MBOAT7: variants seen among roughly 807,000 people sequenced by gnomAD.
MBOAT7 encodes the protein membrane-bound acylglycerophosphatidylinositol O-acyltransferase MBOAT7.
In MBOAT7, 40 loss-of-function variants were observed where a neutral mutation model predicts 47.4. The observed-to-expected ratio is 0.84, with a 90% confidence interval of 0.66 to 1.10. MBOAT7 has a LOEUF of 1.10. Ranked by LOEUF, MBOAT7 falls within the 50% of genes least tolerant of loss-of-function variation. MBOAT7 has a pLI of 0.00. For synonymous variants in MBOAT7, 361 were observed against 292.0 expected (o/e 1.24, Z -2.41); for missense variants, 680 against 655.6 (o/e 1.04, Z -0.41).
chr19:54,176,293 C>CT (rs1235647595), intron 7 of MBOAT7, among the ~76,000 whole-genome samples: 1 of 152,120 alleles, frequency 6.6e-6, no homozygotes, highest in Admixed American at 6.6e-5. Flanking sequence ...CTGGCCAACT[C>CT]TTGTTTTCTT....
In MBOAT7 at chr19:54,178,788, T is replaced by C. The variant is rs1470209921; in HGVS notation, c.1008A>G (p.Ala336=). 2 of 1,613,344 alleles carry C rather than the reference T, an allele frequency of 1.2e-6. No individual in the cohort carries two copies. The highest frequency in any genetic ancestry group is 1.1e-5 in the South Asian group (1 of 91,076). The change falls in exon 7 of 8, where the codon GCA becomes GCG. Residue 336 remains alanine (A), a synonymous_variant. Transcript: ENST00000245615. The part of the protein sequence containing the change: ...WWLAQYIYKS[A]PARSYVLRSA... Reference sequence around the variant, plus strand: ...ACCGCAGGACATAGGAACGGGCAGGTGCGCTCTTGTAGATATACTGCGCCA... The same window carrying C: ...ACCGCAGGACATAGGAACGGGCAGGCGCGCTCTTGTAGATATACTGCGCCA...
chr19:54,180,750 A>G lies in MBOAT7; in HGVS notation c.854+23T>C, dbSNP rs759182744. 229 of 1,486,192 alleles carry G rather than the reference A, an allele frequency of 1.5e-4. 1 individual carries two copies. Among genetic ancestry groups the G allele is most frequent in the Middle Eastern group, 1.2e-3 (5 of 4,064 alleles). The allele number at this position is 1,486,192 out of a possible 1,614,324, so 92.1% of individuals were successfully genotyped here. The stretch of plus-strand genomic sequence containing the variant: ...GAGGTGGGGGCTGCTGGGTCTTGGG[A>G]AGCCTCCCTCGCGCCGCCTGACCTG... On this transcript the variant is annotated intron_variant, in intron 6 of 7. Transcript: ENST00000245615. This position sits in a 1 kb window ranked among gnomAD's most constrained non-coding sequence, Gnocchi z 5.2.
At chr19:54,177,978 C>T (rs563837398) in intron 7 of MBOAT7, among the ~76,000 whole-genome samples, 1 of 121,300 alleles carries the variant, frequency 8.2e-6, no homozygotes, top group South Asian at 2.8e-4. Flanking sequence ...TGGCGAGATC[C>T]CAGCTCCCTG....
chr19:54,183,765 A>G, intron 4 of MBOAT7, 85 bp from the exon 5 acceptor site: 1 of 1,371,430 alleles, frequency 7.3e-7, no homozygotes, highest in Non-Finnish European at 9.6e-7. Context: ...TGCCCTCGGC[A>G]GCCAAGGGGT....
Position 54,186,770 on chromosome 19 carries a change from A to G in MBOAT7, c.333+391T>C, listed in dbSNP as rs149161390. Among the ~76,000 whole-genome samples, 1,500 of 152,322 alleles carry G rather than the reference A, an allele frequency of 9.8e-3. 24 individuals are homozygous for G. The highest frequency in any genetic ancestry group is 0.033 in the African/African-American group (1,376 of 41,576). Reference sequence around the variant, plus strand: ...CCCTCTTCCCAGGTGATTAGGAGCCAGACCTGGATGCCCTAGTTTTGTTCC... The same window carrying G: ...CCCTCTTCCCAGGTGATTAGGAGCCGGACCTGGATGCCCTAGTTTTGTTCC... On this transcript the variant is annotated intron_variant, in intron 4 of 7. Transcript: ENST00000245615.
Position 54,180,793 on chromosome 19 carries a change from G to T in MBOAT7, c.834C>A (p.Leu278=). ...CTGACCTGCTGGGGGGTGGGCATTG[G>T]AGGGTGGGGCCGCCTCCGGCCCGGG... ...AKARAGGGPT[L]QCPPPSSPEK... is the part of the protein sequence containing the mutation. The change falls in exon 6 of 8, where the codon CTC becomes CTA. Residue 278 remains leucine (L), a synonymous_variant. Coordinates refer to ENST00000245615, the MANE Select transcript of MBOAT7 (RefSeq NM_024298.5). The surrounding 1 kb of genome is among the most constrained non-coding windows in gnomAD (Gnocchi z 5.2). The T allele has an allele frequency of 6.4e-7, 1 of 1,553,962 alleles. No individual in the cohort carries two copies. Among genetic ancestry groups the T allele is most frequent in the Non-Finnish European group, 8.7e-7 (1 of 1,156,002 alleles).
chr19:54,178,073 G>A (rs1455472938), intron 7 of MBOAT7, among the ~76,000 whole-genome samples: 4 of 151,378 alleles, frequency 2.6e-5, no homozygotes, highest in African/African-American at 7.3e-5. Flanking sequence ...ACCACACCAG[G>A]GTAATTTTTT....
chr19:54,185,266 C>G (rs929741446), intron 4 of MBOAT7, among the ~76,000 whole-genome samples: 1 of 152,062 alleles, frequency 6.6e-6, no homozygotes, highest in East Asian at 1.9e-4. Flanking sequence ...CTATATTGCC[C>G]AGGCTGGTCT....
intron 5 of MBOAT7, among the ~76,000 whole-genome samples, chr19:54,182,246 A>G (rs919966901): frequency 3.6e-4 from 54 of 151,522 alleles, no homozygotes; most frequent in African/African-American, 1.3e-3. Flanking sequence ...GATAAAAGGA[A>G]AAAAAAAACA....
chr19:54,187,398 G>T, intron 3 of MBOAT7, 111 bp from the exon 4 acceptor site: 1 of 1,354,972 alleles, frequency 7.4e-7, no homozygotes, highest in Non-Finnish European at 9.9e-7. Context: ...TTCGTTTAGA[G>T]ACAGAAACAC....
Position 54,181,130 on chromosome 19 carries a change from G to A in MBOAT7, c.497C>T (p.Pro166Leu), listed in dbSNP as rs1233952774. 1.2e-5 allele frequency: 18 copies of A among 1,466,958 alleles called. No individual in the cohort carries two copies. Among genetic ancestry groups the A allele is most frequent in the African/African-American group, 2.8e-5 (2 of 70,406 alleles). The allele number at this position is 1,466,958 out of a possible 1,614,324, so 90.9% of individuals were successfully genotyped here. A position where few individuals can be genotyped will look rare whatever the true frequency, so the allele number is the denominator to read the frequency against. Reference protein sequence around the residue: ...SYCYVGIMTGPFFRYRTYLDW... With the variant: ...SYCYVGIMTGLFFRYRTYLDW... ...CAGGTAGGTGCGGTAGCGGAAGAAC[G>A]GGCCTGTGGGGCGGGGAGGGAGGGC... Residue 166 changes from proline to leucine, a missense_variant, in exon 6 of 8, where the codon CCG (proline) becomes CTG (leucine). Physicochemically the swap from Pro to Leu is moderately conservative, Grantham distance 98. Transcript: ENST00000245615.
intron 7 of MBOAT7, among the ~76,000 whole-genome samples, chr19:54,175,502 T>C (rs2076081848): frequency 6.6e-6 from 1 of 152,140 alleles, no homozygotes; most frequent in South Asian, 2.1e-4. Flanking sequence ...TGGCCTGTGG[T>C]CCTTCCTTAT....
chr19:54,183,737 C>G, intron 4 of MBOAT7, 57 bp from the exon 5 acceptor site: 1 of 1,469,890 alleles, frequency 6.8e-7, no homozygotes, highest in Non-Finnish European at 9.0e-7. Flanking sequence ...TTCCCCACAC[C>G]CATCTCCCTT....
intron 7 of MBOAT7, chr19:54,178,244 T>C: frequency 1.0e-6 from 1 of 992,220 alleles, no homozygotes; most frequent in Non-Finnish European, 1.2e-6. Context: ...CAGATAACAG[T>C]GTCAAGCACA....
chr19:54,182,541 A>G (rs548397915), intron 5 of MBOAT7, among the ~76,000 whole-genome samples: 44 of 150,762 alleles, frequency 2.9e-4, no homozygotes, highest in African/African-American at 1.1e-3. Flanking sequence ...CAAGAGTTGT[A>G]TGTTTTAAGT....
At chr19:54,187,894 A>G (rs545739683) in intron 3 of MBOAT7, among the ~76,000 whole-genome samples, 1 of 152,166 alleles carries the variant, frequency 6.6e-6, no homozygotes, top group South Asian at 2.1e-4. Flanking sequence ...GCATGCCTGT[A>G]ATCCCAGCTA....
At position 54,174,103 on chromosome 19, in the gene MBOAT7, G is replaced by A. The variant is rs765063268; in HGVS notation, c.1360C>T (p.Arg454Trp). The A allele has an allele frequency of 3.3e-5, 53 of 1,606,760 alleles. No individual in the cohort carries two copies. The highest frequency in any genetic ancestry group is 3.7e-5 in the Non-Finnish European group (43 of 1,177,192). ...GLALGGGSPS[R>W]RKAASQPTSL... ...GTGGGCTGGGATGCTGCCTTCCGCCGGCTGGGGCTGCCCCCACCTAAAGCC... is the reference window on the plus strand; with the variant it reads ...GTGGGCTGGGATGCTGCCTTCCGCCAGCTGGGGCTGCCCCCACCTAAAGCC... Residue 454 changes from arginine (R) to tryptophan (W), a missense_variant, in exon 8 of 8, where the codon CGG becomes TGG. Physicochemically the swap from Arg to Trp is moderately radical, Grantham distance 101. Coordinates refer to ENST00000245615, the MANE Select transcript of MBOAT7 (RefSeq NM_024298.5).
chr19:54,177,900 GTTTTTTTTTTTTT>G lies in MBOAT7; in HGVS notation c.1031+852_1031+864del, dbSNP rs761565984. ...ATGCCTGGCTATGAGTTCTACTTCT[GTTTTTTTTTTTTT>G]TTTTTTTTTTTTTTTTTGAGACGGA... On this transcript the variant is annotated intron_variant, in intron 7 of 7. Transcript: ENST00000245615. Among the ~76,000 whole-genome samples, 46 of 75,994 alleles carry G rather than the reference GTTTTTTTTTTTTT, an allele frequency of 6.1e-4. 4 individuals are homozygous for G. The highest frequency in any genetic ancestry group is 1.0e-3 in the Admixed American group (6 of 5,724). The allele number at this position is 75,994 out of a possible 152,430, so 49.9% of individuals were successfully genotyped here.
chr19:54,181,565 C>T (rs1443787895), intron 5 of MBOAT7, among the ~76,000 whole-genome samples: 3 of 115,128 alleles, frequency 2.6e-5, no homozygotes, highest in African/African-American at 1.0e-4. Context: ...GCGGGAGGAT[C>T]GTTTGAGCCC....
Sources: gnomAD v4.1 joint callset for allele counts (sites outside exome capture counted in the v4.1 genomes callset) on GRCh38, gnomAD v4.1.1 for gene constraint, Gnocchi (gnomAD v3.1) non-coding constraint, MANE v1.5 for transcripts, NCBI Gene and HGNC (gene_info 2026-07-23, HGNC 2026-07-21) for gene names.